DNER: variants seen among roughly 807,000 people sequenced by gnomAD.
DNER encodes delta/notch like EGF repeat containing.
DNER carries 33 observed loss-of-function variants against 78.2 expected under a neutral mutation model. The observed-to-expected ratio is 0.42, with a 90% CI of 0.32 to 0.56. The LOEUF is 0.56. DNER is among the 20% of genes least tolerant of loss of function. DNER has a pLI of 0.11. For synonymous variants in DNER, 417 were observed against 384.8 expected, an observed-to-expected ratio of 1.08 and a Z score of -0.98; for missense variants, 918 against 975.3, an observed-to-expected ratio of 0.94 and a Z score of 0.78.
chr2:229,586,508 TAAAAAAAAAAAAAAAAAA>T (rs555047737), intron 3 of DNER, among the ~76,000 whole-genome samples: 9 of 13,484 alleles, frequency 6.7e-4, no homozygotes, highest in African/African-American at 8.1e-4. Context: ...TCATTTTTGG[TAAAAAAAAAAAAAAAAAA>T]AAAAAAAAAA....
intron 6 of DNER, among the ~76,000 whole-genome samples, chr2:229,491,770 T>G (rs929765100): frequency 6.6e-6 from 1 of 152,218 alleles, no homozygotes; most frequent in African/African-American, 2.4e-5. Context: ...CTCCTTCCCC[T>G]GTAGTTCAAA....
chr2:229,358,497 G>T lies in DNER; in HGVS notation c.*43C>A. 4 of 1,384,124 alleles carry T rather than the reference G, an allele frequency of 2.9e-6. No homozygotes were observed. The highest frequency in any genetic ancestry group is 1.9e-4 in the Middle Eastern group (1 of 5,186). 85.7% of individuals were successfully genotyped at this position (1,384,124 alleles called of 1,614,324 possible). On this transcript the variant is annotated 3_prime_UTR_variant, in exon 13 of 13. Coordinates refer to ENST00000341772, the MANE Select transcript of DNER (RefSeq NM_139072.4). ...TTTATTTTCTTAAAAATATTTAAATGAGTGTAGTATCTCATCTTTTTGAAA... is the reference window on the plus strand; with the variant it reads ...TTTATTTTCTTAAAAATATTTAAATTAGTGTAGTATCTCATCTTTTTGAAA...
chr2:229,454,466 G>GTT (rs1297178967), intron 7 of DNER, among the ~76,000 whole-genome samples: 1 of 151,982 alleles, frequency 6.6e-6, no homozygotes, highest in Non-Finnish European at 1.5e-5. Context: ...AGGATCCTGT[G>GTT]TTTTTTTATT....
intron 1 of DNER, among the ~76,000 whole-genome samples, chr2:229,603,181 G>T (rs1380103616): frequency 6.6e-6 from 1 of 152,144 alleles, no homozygotes; most frequent in African/African-American, 2.4e-5. Flanking sequence ...CAATTGGATT[G>T]TAGATCCAAT....
chr2:229,671,761 G>C (rs1373249551), intron 1 of DNER, among the ~76,000 whole-genome samples: 1 of 152,174 alleles, frequency 6.6e-6, no homozygotes, highest in Non-Finnish European at 1.5e-5. Context: ...GGTTTGATCT[G>C]GGCAGATAAC....
intron 4 of DNER, among the ~76,000 whole-genome samples, chr2:229,583,840 C>G (rs10206317): frequency 0.059 from 8,975 of 152,214 alleles, 414 homozygotes; most frequent in African/African-American, 0.13. Flanking sequence ...ATCTGTCATT[C>G]ATCCTGATAG....
intron 5 of DNER, among the ~76,000 whole-genome samples, chr2:229,521,253 C>T (rs1032036540): frequency 2.6e-5 from 4 of 152,158 alleles, no homozygotes; most frequent in East Asian, 1.9e-4. Context: ...CCACTTTTAC[C>T]GACAGCTTAT....
At chr2:229,570,787 G>T (rs1292458675) in intron 4 of DNER, among the ~76,000 whole-genome samples, 3 of 152,112 alleles carry the variant, frequency 2.0e-5, no homozygotes, top group Non-Finnish European at 4.4e-5. Context: ...CAAAGCAGGT[G>T]GGGGAGGGAG....
At chr2:229,535,608 C>T (rs1458551057) in intron 5 of DNER, among the ~76,000 whole-genome samples, 1 of 152,138 alleles carries the variant, frequency 6.6e-6, no homozygotes, top group Admixed American at 6.5e-5. Context: ...AGCCACTTGA[C>T]ACCCCACAGC....
chr2:229,385,100 T>TAA (rs57663031), intron 11 of DNER, among the ~76,000 whole-genome samples: 7 of 110,894 alleles, frequency 6.3e-5, no homozygotes, highest in African/African-American at 1.7e-4. Context: ...AGACTCCATC[T>TAA]AAAAAAAAAA....
At chr2:229,400,368 G>A (rs1386441756) in intron 10 of DNER, among the ~76,000 whole-genome samples, 1 of 151,880 alleles carries the variant, frequency 6.6e-6, no homozygotes, top group African/African-American at 2.4e-5. Context: ...TGATATCCCA[G>A]TAAAAACAAG....
chr2:229,482,319 C>T (rs1559363593), intron 6 of DNER, among the ~76,000 whole-genome samples: 1 of 152,230 alleles, frequency 6.6e-6, no homozygotes, highest in African/African-American at 2.4e-5. Flanking sequence ...TGCTTTCTTT[C>T]AATCCATTCT....
chr2:229,509,861 T>C (rs992180371), intron 6 of DNER, among the ~76,000 whole-genome samples: 1 of 151,968 alleles, frequency 6.6e-6, no homozygotes, highest in Non-Finnish European at 1.5e-5. Context: ...CAGGTAGTAA[T>C]CAAAGAGTCA....
chr2:229,640,757 A>C (rs1258261658), intron 1 of DNER, among the ~76,000 whole-genome samples: 1 of 152,188 alleles, frequency 6.6e-6, no homozygotes, highest in Non-Finnish European at 1.5e-5. Flanking sequence ...TGTGCTGAGG[A>C]CCTAGCGGAA....
At chr2:229,435,507 C>A (rs1377707534) in intron 8 of DNER, among the ~76,000 whole-genome samples, 3 of 152,188 alleles carry the variant, frequency 2.0e-5, no homozygotes, top group Non-Finnish European at 4.4e-5. Context: ...TTGCCAGGTA[C>A]AATGTCTAAC....
chr2:229,663,902 T>A (rs888172), intron 1 of DNER, among the ~76,000 whole-genome samples: 151,198 of 152,320 alleles, frequency 0.99, 75,051 homozygotes, highest in East Asian at 1. Flanking sequence ...ATCTCCACTC[T>A]CTGCAGCCTC....
rs1457603992 is a variant in DNER, at chr2:229,507,395, C to G, written c.1147+5388G>C. 2.0e-5 allele frequency among the ~76,000 whole-genome samples: 3 copies of G among 152,244 alleles called. No individual in the cohort carries two copies. In the East Asian group the frequency reaches 5.8e-4, roughly 29 times the overall value. On this transcript the variant is annotated intron_variant, in intron 6 of 12. Transcript: ENST00000341772. ...GAAGGCCCAAGGAGATTCCTATATG[C>G]CTACATGTGCTATAATGTGCTATTA...
intron 12 of DNER, 142 bp downstream of exon 12, chr2:229,366,731 T>A: frequency 7.7e-7 from 1 of 1,298,566 alleles, no homozygotes; most frequent in Non-Finnish European, 1.0e-6. Flanking sequence ...TCGAATGATC[T>A]ATCCCCAAAT....
intron 1 of DNER, among the ~76,000 whole-genome samples, chr2:229,595,117 G>T (rs919821014): frequency 7.9e-5 from 12 of 151,740 alleles, no homozygotes; most frequent in Middle Eastern, 3.4e-3. Context: ...TTATTTGTGC[G>T]CCTGCCATTC....
Sources: gnomAD v4.1 joint callset for allele counts (sites outside exome capture counted in the v4.1 genomes callset) on GRCh38, gnomAD v4.1.1 for gene constraint, MANE v1.5 for transcripts, NCBI Gene and HGNC (gene_info 2026-07-23, HGNC 2026-07-21) for gene names.